Variants in PEX1 observed in about 807,000 individuals in gnomAD.
PEX1 encodes the protein peroxisomal ATPase PEX1.
In PEX1, 97 loss-of-function variants were observed where a neutral mutation model predicts 152.5. The ratio of observed to expected loss-of-function variants is 0.64; its 90% CI spans 0.54 to 0.75. PEX1 has a LOEUF of 0.75. Among genes scored for constraint, PEX1 ranks in the 30% least tolerant of loss-of-function variants. The pLI is 0.00. For missense variants in PEX1, 1,357 were observed against 1,516.3 expected (o/e 0.89, Z 1.74); for synonymous variants, 485 against 531.6 (o/e 0.91, Z 1.21).
intron 16 of PEX1, 56 bp from the exon 17 acceptor site, chr7:92,496,833 G>T: frequency 8.9e-7 from 1 of 1,122,860 alleles, no homozygotes; most frequent in South Asian, 1.3e-5. Flanking sequence ...ATATAAATTT[G>T]GTTTCTGACT....
At chr7:92,522,337 CAA>C in intron 1 of PEX1, 92 bp from the exon 2 acceptor site, 1 of 1,247,802 alleles carries the variant, frequency 8.0e-7, no homozygotes. Flanking sequence ...TTCACATGTC[CAA>C]AAAGAGTTCT....
intron 22 of PEX1, 58 bp from the exon 23 acceptor site, chr7:92,489,481 G>T (rs969384021): frequency 2.4e-5 from 35 of 1,469,358 alleles, no homozygotes; most frequent in Non-Finnish European, 3.0e-5. Context: ...AAAAAATGTG[G>T]TAGTCCAGTT....
intron 12 of PEX1, 86 bp from the exon 13 acceptor site, chr7:92,503,281 C>G (rs1792024364): frequency 6.7e-6 from 8 of 1,196,710 alleles, no homozygotes; most frequent in African/African-American, 4.5e-5. Flanking sequence ...TAATGATACT[C>G]TAAGGTTGAC....
chr7:92,494,245 A>G lies in PEX1; in HGVS notation c.3030+48T>C, dbSNP rs754079659. On this transcript the variant is annotated intron_variant, in intron 19 of 23. Transcript: ENST00000248633. ...TGGCAGAAGTAAAGCTCACAAGGAAAGAGTGTAGCATTTGTTGGGTTTTGG... is the reference window on the plus strand; with the variant it reads ...TGGCAGAAGTAAAGCTCACAAGGAAGGAGTGTAGCATTTGTTGGGTTTTGG... 6 of 1,326,818 alleles carry G rather than the reference A, an allele frequency of 4.5e-6. 1 individual carries two copies. The African/African-American group carries it at 7.2e-5, about 16-fold the overall frequency. 82.2% of individuals were successfully genotyped at this position (1,326,818 alleles called of 1,614,324 possible).
intron 9 of PEX1, among the ~76,000 whole-genome samples, chr7:92,508,997 C>T (rs146741904): frequency 9.2e-5 from 14 of 151,796 alleles, no homozygotes; most frequent in African/African-American, 3.4e-4. Flanking sequence ...CATATATGAT[C>T]CACGTGATAT....
chr7:92,499,812 G>C lies in PEX1; in HGVS notation c.2610C>G (p.Pro870=). ...AKYPELFANL[P]IRQRTGILLY... is the part of the protein sequence containing the mutation. The stretch of plus-strand genomic sequence containing the variant: ...ACAGTATTCCTGTTCTTTGTCGTAT[G>C]GGCAAGTTTGCAAATAATTCTGGAT... Residue 870 remains proline (P), a synonymous_variant, in exon 16 of 24, where the codon CCC becomes CCG. Coordinates refer to ENST00000248633, the MANE Select transcript of PEX1 (RefSeq NM_000466.3). 1 of 1,609,000 alleles carries C rather than the reference G, an allele frequency of 6.2e-7. No homozygotes were observed. The highest frequency in any genetic ancestry group is 1.1e-5 in the South Asian group (1 of 90,720).
chr7:92,509,496 G>C (rs1287313775), intron 8 of PEX1, 85 bp from the exon 9 acceptor site: 1 of 876,724 alleles, frequency 1.1e-6, no homozygotes, highest in Non-Finnish European at 1.9e-6. Context: ...CTAAATTGCT[G>C]ATTCTGTTAT....
At chr7:92,527,576 G>A (rs539130290) in intron 1 of PEX1, among the ~76,000 whole-genome samples, 14 of 152,320 alleles carry the variant, frequency 9.2e-5, no homozygotes, top group South Asian at 6.2e-4. Flanking sequence ...TGGGTACCAT[G>A]CATCCAGGAT....
chr7:92,522,750 T>C (rs943714896), intron 1 of PEX1, among the ~76,000 whole-genome samples: 1 of 152,210 alleles, frequency 6.6e-6, no homozygotes, highest in Non-Finnish European at 1.5e-5. Context: ...TTTAAAAATG[T>C]AGCAATATAA....
chr7:92,498,334 T>A (rs1791760581), intron 16 of PEX1, among the ~76,000 whole-genome samples: 2 of 150,968 alleles, frequency 1.3e-5, no homozygotes. Context: ...TGAAACCCCA[T>A]CTCTACTAAA....
intron 2 of PEX1, 146 bp downstream of exon 2, chr7:92,521,956 C>T (rs1793068439): frequency 1.3e-6 from 1 of 750,814 alleles, no homozygotes; most frequent in Admixed American, 2.1e-5. Context: ...GTATAGTCAG[C>T]TTCAATATCC....
chr7:92,492,857 T>C (rs1791414713), intron 20 of PEX1, 96 bp downstream of exon 20: 2 of 929,444 alleles, frequency 2.2e-6, no homozygotes, highest in South Asian at 2.6e-5. Context: ...TTTACCAAAG[T>C]TGTTTAAAAA....
chr7:92,495,548 TTTTG>T lies in PEX1; in HGVS notation c.2784-923_2784-920del, dbSNP rs1791612244. ...TTCTTTTTTGCTCAATTTTGGTCAA[TTTTG>T]TTTTTGTCTATGTCACCTAAGTTTT... is the stretch of plus-strand genomic sequence containing the variant. On this transcript the variant is annotated intron_variant, in intron 17 of 23. Coordinates refer to ENST00000248633, the MANE Select transcript of PEX1 (RefSeq NM_000466.3). Among the ~76,000 whole-genome samples, 3 of 152,346 alleles carry T rather than the reference TTTTG, an allele frequency of 2.0e-5. No individual in the cohort carries two copies. The South Asian group carries it at 6.2e-4, about 32-fold the overall frequency.
intron 2 of PEX1, among the ~76,000 whole-genome samples, chr7:92,519,997 C>T (rs1370748700): frequency 6.6e-6 from 1 of 152,100 alleles, no homozygotes; most frequent in African/African-American, 2.4e-5. Context: ...TTCAATATCT[C>T]CCTTACTGAA....
Position 92,517,952 on chromosome 7 carries a change from G to C in PEX1, c.563C>G (p.Thr188Arg). 1 of 1,603,146 alleles carries C rather than the reference G, an allele frequency of 6.2e-7. No homozygotes were observed. Among genetic ancestry groups the C allele is most frequent in the Admixed American group, 1.7e-5 (1 of 57,176 alleles). The change falls in exon 5 of 24, where the codon ACA becomes AGA. Residue 188 changes from threonine (T) to arginine (R), a missense_variant. Transcript: ENST00000248633. ...ATATTCAGCATCAGCTTTTGAAAATGTATTCTCTTTGGCTCGGCGTGTCTT... is the reference window on the plus strand; with the variant it reads ...ATATTCAGCATCAGCTTTTGAAAATCTATTCTCTTTGGCTCGGCGTGTCTT... ...QPKTRRAKEN[T>R]FSKADAEYKK...
chr7:92,505,814 T>C (rs759211067), intron 11 of PEX1, among the ~76,000 whole-genome samples: 1 of 152,220 alleles, frequency 6.6e-6, no homozygotes, highest in African/African-American at 2.4e-5. Flanking sequence ...ATAATGTAAA[T>C]GTTAAGGACT....
chr7:92,502,122 A>G (rs1229390025), intron 13 of PEX1, 43 bp from the exon 14 acceptor site: 3 of 1,327,998 alleles, frequency 2.3e-6, no homozygotes, highest in African/African-American at 2.9e-5. Flanking sequence ...ATTGTATTCA[A>G]CTGTATATTT....
At position 92,498,731 on chromosome 7, in the gene PEX1, C is replaced by G. The variant is rs1791779520; in HGVS notation, c.2718+973G>C. 2.6e-5 allele frequency among the ~76,000 whole-genome samples: 4 copies of G among 152,128 alleles called. No individual in the cohort carries two copies. The South Asian group carries it at 8.3e-4, about 32-fold the overall frequency. ...ATCTGCTAGCATGCCCCTTAATTACCACACTCACCTTATACCTGAAAAAAA... is the reference window on the plus strand; with the variant it reads ...ATCTGCTAGCATGCCCCTTAATTACGACACTCACCTTATACCTGAAAAAAA... On this transcript the variant is annotated intron_variant, in intron 16 of 23. Transcript: ENST00000248633.
intron 17 of PEX1, among the ~76,000 whole-genome samples, chr7:92,495,207 AATTT>A (rs535976372): frequency 6.6e-6 from 1 of 152,226 alleles, no homozygotes; most frequent in African/African-American, 2.4e-5. Flanking sequence ...TTGTTTTATT[AATTT>A]ATTAACAAAT....
Sources: allele counts gnomAD v4.1 joint callset (sites outside exome capture counted in the v4.1 genomes callset), GRCh38; gene constraint gnomAD v4.1.1; transcripts MANE v1.5; gene names NCBI Gene and HGNC (gene_info 2026-07-23, HGNC 2026-07-21).